The following NAV3 variants were observed in gnomAD, a reference collection of about 807,000 sequenced individuals.
NAV3 encodes pore membrane and/or filament interacting like protein 1.
In NAV3, 87 loss-of-function variants were observed where a neutral mutation model predicts 244.7. The observed-to-expected ratio is 0.36, with a 90% CI of 0.30 to 0.42. The LOEUF (loss-of-function observed/expected upper bound fraction) is 0.42, where lower values mean the gene tolerates loss of function less well. NAV3 is among the 20% of genes least tolerant of loss of function. NAV3 has a pLI of 1.00. For synonymous variants in NAV3, 1,126 were observed against 1,042.2 expected, an observed-to-expected ratio of 1.08 and a Z score of -1.55; for missense variants, 2,663 against 2,893.3, an observed-to-expected ratio of 0.92 and a Z score of 1.83.
intron 2 of NAV3, among the ~76,000 whole-genome samples, chr12:77,698,886 G>T (rs12306564): frequency 4.7e-4 from 71 of 152,150 alleles, no homozygotes; most frequent in South Asian, 2.9e-3. Flanking sequence ...AATAGCAGGG[G>T]TTTGGTTTTT....
At chr12:77,723,635 G>A (rs1876740447) in intron 2 of NAV3, among the ~76,000 whole-genome samples, 1 of 151,290 alleles carries the variant, frequency 6.6e-6, no homozygotes, top group Non-Finnish European at 1.5e-5. Flanking sequence ...AGCCAACCTT[G>A]TTTGCTTACT....
At chr12:77,608,472 C>T (rs1023892686) in intron 2 of NAV3, among the ~76,000 whole-genome samples, 2 of 151,994 alleles carry the variant, frequency 1.3e-5, no homozygotes, top group African/African-American at 4.8e-5. Context: ...CTGTTATATC[C>T]TATGTGCAAA....
intron 2 of NAV3, among the ~76,000 whole-genome samples, chr12:77,810,052 C>T (rs1430046764): frequency 6.6e-6 from 1 of 152,144 alleles, no homozygotes; most frequent in African/African-American, 2.4e-5. Context: ...TCAAACTATT[C>T]TTTTGTTTTC....
At chr12:78,158,895 G>A (rs1957412967) in intron 22 of NAV3, among the ~76,000 whole-genome samples, 1 of 152,098 alleles carries the variant, frequency 6.6e-6, no homozygotes, top group Non-Finnish European at 1.5e-5. Flanking sequence ...TCGGCATTTT[G>A]AGTGTCAAAT....
At chr12:78,026,991 A>G (rs533075278) in intron 9 of NAV3, among the ~76,000 whole-genome samples, 38 of 152,342 alleles carry the variant, frequency 2.5e-4, no homozygotes, top group African/African-American at 7.7e-4. Flanking sequence ...GAAGGGGTTG[A>G]TATAAATGGA....
chr12:77,576,093 C>T (rs891931046), intron 2 of NAV3, among the ~76,000 whole-genome samples: 3 of 152,030 alleles, frequency 2.0e-5, no homozygotes, highest in East Asian at 1.9e-4. Flanking sequence ...AAAAAGCTCA[C>T]GATAAATTCC....
chr12:78,097,443 G>C (rs1335801155), intron 12 of NAV3, among the ~76,000 whole-genome samples: 2 of 152,176 alleles, frequency 1.3e-5, no homozygotes, highest in Non-Finnish European at 1.5e-5. Flanking sequence ...GTGCTGGGAT[G>C]TGAATCTCTT....
intron 2 of NAV3, among the ~76,000 whole-genome samples, chr12:77,663,731 G>A (rs1873583035): frequency 6.6e-6 from 1 of 152,128 alleles, no homozygotes; most frequent in Admixed American, 6.5e-5. Flanking sequence ...ATGTTGGTCA[G>A]GCTGGTCTCG....
At position 77,813,343 on chromosome 12, in the gene NAV3, G is replaced by T. The variant is rs576362706; in HGVS notation, c.73-126976G>T. On this transcript the variant is annotated intron_variant, in intron 2 of 8. Coordinates refer to the NAV3 transcript ENST00000550042. ...TGTCTTGGTGGAACTATATATCAGG[G>T]TTCTCTGCCTTTCCAGGTTGTTGGG... Among the ~76,000 whole-genome samples, 15 of 152,250 alleles carry T rather than the reference G, an allele frequency of 9.9e-5. No homozygotes were observed. The East Asian group carries it at 2.9e-3, about 29-fold the overall frequency.
In NAV3 at chr12:77,645,536, T is replaced by TAAAAAAAAAAAAA. The variant is rs756805711; in HGVS notation, c.72+73282_72+73294dup. ...GAATTCATGGAGAGCTCTCTCTCTC[T>TAAAAAAAAAAAAA]AAAAAAAAAAAAAAAAAAAAAAAAC... On this transcript the variant is annotated intron_variant, in intron 2 of 8. Transcript: ENST00000550042. 2.2e-3 allele frequency among the ~76,000 whole-genome samples: 138 copies of TAAAAAAAAAAAAA among 62,998 alleles called. 9 individuals carry two copies. The highest frequency in any genetic ancestry group is 9.3e-3 in the African/African-American group (128 of 13,756). The allele number at this position is 62,998 out of a possible 152,430, so 41.3% of individuals were successfully genotyped here.
At chr12:77,792,164 C>T (rs970097125) in intron 2 of NAV3, among the ~76,000 whole-genome samples, 2 of 152,118 alleles carry the variant, frequency 1.3e-5, no homozygotes, top group Non-Finnish European at 2.9e-5. Context: ...TTAAAAAACT[C>T]TCTGGATTTT....
intron 12 of NAV3, among the ~76,000 whole-genome samples, chr12:78,108,912 G>C (rs547140488): frequency 4.6e-5 from 7 of 151,584 alleles, no homozygotes; most frequent in African/African-American, 1.7e-4. Flanking sequence ...AAAAAATCAA[G>C]AACAAATCAA....
chr12:78,026,662 A>G (rs917078069), intron 9 of NAV3, among the ~76,000 whole-genome samples: 4 of 152,312 alleles, frequency 2.6e-5, no homozygotes, highest in East Asian at 3.9e-4. Flanking sequence ...TGAACTAACT[A>G]TAAGAAATAA....
intron 2 of NAV3, among the ~76,000 whole-genome samples, chr12:77,659,209 G>A (rs9737870): frequency 0.23 from 34,791 of 149,128 alleles, 6,324 homozygotes; most frequent in African/African-American, 0.51. Flanking sequence ...CAACCTACTC[G>A]TCTGACAAAG....
intron 2 of NAV3, among the ~76,000 whole-genome samples, chr12:77,744,378 A>T (rs895030760): frequency 6.6e-6 from 1 of 151,990 alleles, no homozygotes. Context: ...TTATTTTTTA[A>T]TAGAGACTAT....
chr12:77,591,216 C>T (rs1441672931), intron 2 of NAV3, among the ~76,000 whole-genome samples: 4 of 152,166 alleles, frequency 2.6e-5, no homozygotes, highest in Non-Finnish European at 5.9e-5. Flanking sequence ...CCATTTGAAA[C>T]CTTATTTCTA....
chr12:77,825,526 T>C (rs1872945072), intron 2 of NAV3, among the ~76,000 whole-genome samples: 1 of 152,162 alleles, frequency 6.6e-6, no homozygotes, highest in South Asian at 2.1e-4. Flanking sequence ...ATGGTTTATA[T>C]AGTAAATCCT....
intron 2 of NAV3, among the ~76,000 whole-genome samples, chr12:77,806,741 G>T (rs1168500809): frequency 6.6e-6 from 1 of 152,134 alleles, no homozygotes; most frequent in African/African-American, 2.4e-5. Flanking sequence ...CTGTCTCGTT[G>T]ATCTGTCTCA....
chr12:77,768,505 G>A (rs143404722), intron 2 of NAV3, among the ~76,000 whole-genome samples: 3 of 152,332 alleles, frequency 2.0e-5, no homozygotes, highest in South Asian at 2.1e-4. Context: ...AGGCAGCAGG[G>A]GGCTAGTGAG....
Sources: gnomAD v4.1 joint callset for allele counts (sites outside exome capture counted in the v4.1 genomes callset) on GRCh38, gnomAD v4.1.1 for gene constraint, MANE v1.5 for transcripts, NCBI Gene and HGNC (gene_info 2026-07-23, HGNC 2026-07-21) for gene names.